The following SDF2 variants were observed in gnomAD, a reference collection of about 807,000 sequenced individuals.
SDF2 encodes the protein stromal cell derived factor 2.
Under a neutral mutation model 20.5 loss-of-function variants are expected in SDF2, and 12 were observed. That is an observed-to-expected ratio of 0.58 (90% confidence interval 0.37 to 0.95). SDF2 has a LOEUF of 0.95. SDF2 is among the 40% of genes least tolerant of loss of function. SDF2 has a pLI of 0.01. For synonymous variants in SDF2, 100 were observed against 101.0 expected, an observed-to-expected ratio of 0.99 and a Z score of 0.06; for missense variants, 238 against 263.1, an observed-to-expected ratio of 0.90 and a Z score of 0.66.
Position 28,648,367 on chromosome 17 carries a change from T to G in SDF2, c.*622A>C, listed in dbSNP as rs2071882757. 6.5e-6 allele frequency: 1 copy of G among 152,874 alleles called. No individual in the cohort carries two copies. The highest frequency in any genetic ancestry group is 6.5e-5 in the Admixed American group (1 of 15,378). 9.5% of individuals were successfully genotyped at this position (152,874 alleles called of 1,614,324 possible). ...AGCAAACATTTCACTGGCTATTTAT[T>G]ATGCTGTATTCTCTGAGAGTTTTTA... On this transcript the variant is annotated 3_prime_UTR_variant, in exon 3 of 3. Transcript: ENST00000247020.
chr17:28,655,533 T>C (rs779952568), intron 1 of SDF2, 50 bp from the exon 2 acceptor site: 18 of 1,492,426 alleles, frequency 1.2e-5, no homozygotes, highest in Non-Finnish European at 1.5e-5. Context: ...ATGGACAACA[T>C]GCTCAGAGAC....
At chr17:28,653,501 T>C (rs1435555629) in intron 2 of SDF2, among the ~76,000 whole-genome samples, 1 of 152,070 alleles carries the variant, frequency 6.6e-6, no homozygotes, top group Non-Finnish European at 1.5e-5. Context: ...TATTTTGGAA[T>C]GGAAAAAGAA....
chr17:28,660,067 C>T lies in SDF2; in HGVS notation c.151+1659G>A, dbSNP rs534116887. Among the ~76,000 whole-genome samples the T allele has an allele frequency of 3.1e-3, 466 of 152,342 alleles. 2 individuals are homozygous for T. The highest frequency in any genetic ancestry group is 0.011 in the African/African-American group (448 of 41,574). Reference sequence around the variant, plus strand: ...CAGCCCAGCCAACACGGCGAAACCCCGTCTCCACCAAAAATACGAAAACCA... The same window carrying T: ...CAGCCCAGCCAACACGGCGAAACCCTGTCTCCACCAAAAATACGAAAACCA... On this transcript the variant is annotated intron_variant, in intron 1 of 2. Transcript: ENST00000247020.
chr17:28,661,415 A>G (rs1002286885), intron 1 of SDF2, among the ~76,000 whole-genome samples: 2 of 152,230 alleles, frequency 1.3e-5, no homozygotes, highest in South Asian at 2.1e-4. Context: ...CTTTGAATAA[A>G]CGATTTAATT....
Position 28,661,748 on chromosome 17 carries a change from T to C in SDF2, c.129A>G (p.Ser43=). 2 of 1,613,752 alleles carry C rather than the reference T, an allele frequency of 1.2e-6. No individual in the cohort carries two copies. The highest frequency in any genetic ancestry group is 1.1e-5 in the South Asian group (1 of 91,070). Residue 43 remains serine, a synonymous_variant, in exon 1 of 3, where the codon TCA becomes TCG. Transcript: ENST00000247020. The part of the protein sequence containing the change: ...LNTRHNVRLH[S]HDVRYGSGSG... The stretch of plus-strand genomic sequence containing the variant: ...TACCTGACCCATAGCGCACGTCGTG[T>C]GAGTGCAGTCGGACGTTGTGGCGCG...
intron 1 of SDF2, among the ~76,000 whole-genome samples, chr17:28,656,658 T>A (rs570574225): frequency 6.6e-6 from 1 of 152,184 alleles, no homozygotes; most frequent in African/African-American, 2.4e-5. Context: ...CTTAAGGGTA[T>A]GTCATATCAG....
At chr17:28,653,845 C>G (rs1023262389) in intron 2 of SDF2, among the ~76,000 whole-genome samples, 2 of 151,854 alleles carry the variant, frequency 1.3e-5, no homozygotes, top group Admixed American at 1.3e-4. Context: ...ACAAGGGAAT[C>G]AGAAAAAAAC....
intron 2 of SDF2, among the ~76,000 whole-genome samples, chr17:28,650,833 A>C (rs7225487): frequency 2.1e-5 from 3 of 146,166 alleles, no homozygotes; most frequent in African/African-American, 5.1e-5. Flanking sequence ...AAAAAAAAAC[A>C]GTTAGGGTAT....
At chr17:28,660,147 G>T (rs2072009810) in intron 1 of SDF2, among the ~76,000 whole-genome samples, 2 of 152,226 alleles carry the variant, frequency 1.3e-5, no homozygotes, top group African/African-American at 2.4e-5. Flanking sequence ...GCCGTGGCAG[G>T]AGAATCACGG....
rs543660248 is a variant in SDF2, at chr17:28,656,974, A to T, written c.152-1491T>A. Among the ~76,000 whole-genome samples the T allele has an allele frequency of 2.0e-5, 3 of 152,322 alleles. No homozygotes were observed. In the East Asian group the frequency reaches 5.8e-4, roughly 29 times the overall value. On this transcript the variant is annotated intron_variant, in intron 1 of 2. Transcript: ENST00000247020. Reference sequence around the variant, plus strand: ...CAAGGCACGGTGGCTCACGCCTGTAATCCCAGCACTTTGGGAGGCTGAGGC... The same window carrying T: ...CAAGGCACGGTGGCTCACGCCTGTATTCCCAGCACTTTGGGAGGCTGAGGC...
intron 2 of SDF2, among the ~76,000 whole-genome samples, chr17:28,654,649 C>T (rs1005704725): frequency 6.6e-5 from 10 of 152,008 alleles, no homozygotes; most frequent in Admixed American, 4.6e-4. Context: ...AAACCCATCT[C>T]TACTAAAAAT....
intron 1 of SDF2, chr17:28,656,010 C>CAA (rs113230648): frequency 2.1e-5 from 3 of 144,758 alleles, no homozygotes; most frequent in African/African-American, 5.1e-5. Flanking sequence ...ACCCATTCCT[C>CAA]AAAAAAAAAA....
intron 2 of SDF2, among the ~76,000 whole-genome samples, chr17:28,650,689 A>T (rs1264253701): frequency 6.6e-6 from 1 of 151,124 alleles, no homozygotes; most frequent in East Asian, 2.0e-4. Flanking sequence ...GGGAGGCTGA[A>T]GCAGGAGAAT....
rs1229559806 is a variant in SDF2 at position 28,661,867 on chromosome 17, C to G, written c.10G>C (p.Val4Leu). The G allele has an allele frequency of 6.2e-7, 1 of 1,611,508 alleles. No individual in the cohort carries two copies. The highest frequency in any genetic ancestry group is 8.5e-7 in the Non-Finnish European group (1 of 1,177,804). The change falls in exon 1 of 3, where the codon GTA (valine) becomes CTA (leucine). Residue 4 changes from valine to leucine, a missense_variant. Coordinates refer to ENST00000247020, the MANE Select transcript of SDF2 (RefSeq NM_006923.4). ...AAACCCCCCAACAACAGCAGAGGTA[C>G]TACAGCCATCCTAACTGTATCGCGG... The part of the protein sequence containing the change: MAV[V>L]PLLLLGGLWS...
In SDF2 at chr17:28,650,350, TTCTTA is replaced by T. The variant is rs1184292945; in HGVS notation, c.349-1079_349-1075del. Among the ~76,000 whole-genome samples the T allele has an allele frequency of 2.0e-5, 3 of 152,304 alleles. No homozygotes were observed. In the East Asian group the frequency reaches 5.8e-4, roughly 29 times the overall value. On this transcript the variant is annotated intron_variant, in intron 2 of 2. Coordinates refer to ENST00000247020, the MANE Select transcript of SDF2 (RefSeq NM_006923.4). ...ATTGCTATAAGATTATGGTCCATGG[TTCTTA>T]TCTGAGTCATGGCATCAAAAAGAAA...
intron 1 of SDF2, chr17:28,657,868 A>T (rs1234001217): frequency 6.6e-6 from 1 of 152,196 alleles, no homozygotes; most frequent in African/African-American, 2.4e-5. Context: ...GCAAAAAATT[A>T]ATCAGGTGTG....
rs369919608 is a variant in SDF2 at position 28,652,173 on chromosome 17, A to G, written c.349-2897T>C. On this transcript the variant is annotated intron_variant, in intron 2 of 2. Coordinates refer to ENST00000247020, the MANE Select transcript of SDF2 (RefSeq NM_006923.4). ...CTCCAGCCTGAATAACACAGCAAGA[A>G]CCCATCTTAAAAAAAAAAGAAAAAG... Among the ~76,000 whole-genome samples the G allele has an allele frequency of 5.2e-4, 79 of 152,010 alleles. 1 individual carries two copies. In the South Asian group the frequency reaches 0.016, roughly 31 times the overall value.
upstream of SDF2, chr17:28,661,948 G>A: frequency 6.5e-7 from 1 of 1,530,158 alleles, no homozygotes; most frequent in Non-Finnish European, 8.9e-7. Flanking sequence ...AGCTAATGGC[G>A]AAACCACGGA....
chr17:28,661,624 C>T (rs958160636), intron 1 of SDF2, 102 bp downstream of exon 1: 3 of 1,303,650 alleles, frequency 2.3e-6, no homozygotes, highest in Admixed American at 2.0e-5. Flanking sequence ...CCCAGGGAAC[C>T]CCTAACTTTC....
Sources: allele counts gnomAD v4.1 joint callset (sites outside exome capture counted in the v4.1 genomes callset), GRCh38; gene constraint gnomAD v4.1.1; transcripts MANE v1.5; gene names NCBI Gene and HGNC (gene_info 2026-07-23, HGNC 2026-07-21).